The following GRIPAP1 variants were observed in gnomAD, a reference collection of about 807,000 sequenced individuals.
GRIPAP1 encodes GRIP1-associated protein 1.
In GRIPAP1, 14 loss-of-function variants were observed where a neutral mutation model predicts 84.1. That is an observed-to-expected ratio of 0.17 (90% confidence interval 0.11 to 0.26). The LOEUF (loss-of-function observed/expected upper bound fraction) is 0.26. Among genes scored for constraint, GRIPAP1 ranks in the 10% least tolerant of loss-of-function variants. GRIPAP1 has a pLI of 1.00. For missense variants in GRIPAP1, 518 were observed against 674.2 expected, an observed-to-expected ratio of 0.77 and a Z score of 2.57; for synonymous variants, 261 against 256.8, an observed-to-expected ratio of 1.02 and a Z score of -0.15.
chrX:48,993,258 G>A (rs1171594879), intron 6 of GRIPAP1, among the ~76,000 whole-genome samples, 170 bp downstream of exon 6: 1 of 113,214 alleles, frequency 8.8e-6, no homozygotes, highest in East Asian at 2.8e-4. Context: ...CATGCACTGT[G>A]TAGATGATAA....
At chrX:49,000,057 C>T (rs1364273277) in intron 1 of GRIPAP1, among the ~76,000 whole-genome samples, 2 of 110,396 alleles carry the variant, frequency 1.8e-5, no homozygotes, top group Non-Finnish European at 3.8e-5. Context: ...CAAAATACAT[C>T]CAGGCCCCCT....
chrX:49,001,529 T>TC (rs1380398560), intron 1 of GRIPAP1, among the ~76,000 whole-genome samples: 1 of 109,851 alleles, frequency 9.1e-6, no homozygotes, highest in Non-Finnish European at 1.9e-5. Context: ...CCTCTGGTCC[T>TC]CCCCCCAGTT....
In GRIPAP1 at chrX:48,981,827, G is replaced by T; in HGVS notation, c.1645C>A (p.Gln549Lys). The T allele has an allele frequency of 3.4e-6, 4 of 1,172,944 alleles. No homozygotes were observed. The highest frequency in any genetic ancestry group is 4.6e-6 in the Non-Finnish European group (4 of 874,743). The part of the protein sequence containing the change: ...QQQEQEEALK[Q>K]CREQHAAELK... ...TCGGCAGCGTGCTGCTCCCGACACT[G>T]CTTGAGGGCTTCCTCTTGTTCCTGC... The change falls in exon 18 of 26, where the codon CAG becomes AAG. Residue 549 changes from glutamine to lysine, a missense_variant. Transcript: ENST00000376423.
intron 6 of GRIPAP1, 58 bp from the exon 7 acceptor site, chrX:48,991,168 T>C (rs2064518238): frequency 1.2e-6 from 1 of 862,309 alleles, no homozygotes. Context: ...TCCCTTGCCA[T>C]GCCTCGAATA....
intron 5 of GRIPAP1, among the ~76,000 whole-genome samples, chrX:48,994,506 G>A (rs782063337): frequency 1.3e-3 from 144 of 111,545 alleles, no homozygotes; most frequent in African/African-American, 4.4e-3. Flanking sequence ...TTACAGGCAT[G>A]AGCCACCGCA....
chrX:48,985,858 A>AG (rs1454151846), intron 13 of GRIPAP1, among the ~76,000 whole-genome samples: 26 of 110,443 alleles, frequency 2.4e-4, no homozygotes, highest in African/African-American at 8.3e-4. Context: ...AGAGAGAGAG[A>AG]AAAAAAAGAG....
At chrX:49,000,121 T>G (rs1224544010) in intron 1 of GRIPAP1, among the ~76,000 whole-genome samples, 3 of 109,734 alleles carry the variant, frequency 2.7e-5, no homozygotes, top group African/African-American at 9.9e-5. Context: ...ATCCCAGCAC[T>G]TTGGGAGGCC....
chrX:48,983,278 C>T lies in GRIPAP1; in HGVS notation c.1435G>A (p.Asp479Asn). ...AGCTCCTCCTCCTGACGCTTCTTGT[C>T]TTCATGCAGCTCTCGGAGCTCACGC... ...YERELRELHEDKKRQEEELRG... is the reference protein window; with the variant it reads ...YERELRELHENKKRQEEELRG... The change falls in exon 16 of 26, where the codon GAC (aspartate) becomes AAC (asparagine). Residue 479 changes from aspartate to asparagine, a missense_variant. Coordinates refer to ENST00000376423, the MANE Select transcript of GRIPAP1 (RefSeq NM_020137.5). The T allele has an allele frequency of 8.2e-7, 1 of 1,212,542 alleles. No homozygotes were observed. The highest frequency in any genetic ancestry group is 2.2e-5 in the Admixed American group (1 of 46,141).
rs782352779 is a variant in GRIPAP1 at position 49,001,957 on chromosome X, T to C, written c.42+231A>G. On this transcript the variant is annotated intron_variant, in intron 1 of 25. Transcript: ENST00000376423. The stretch of plus-strand genomic sequence containing the variant: ...CAGGTCTGAGTAAGGTACCGCCTAC[T>C]TAATGGCGCTCTCCCAGCCCACAAT... 3.2e-3 allele frequency among the ~76,000 whole-genome samples: 356 copies of C among 110,897 alleles called. 3 individuals carry two copies. Among genetic ancestry groups the C allele is most frequent in the African/African-American group, 0.011 (330 of 30,521 alleles).
intron 6 of GRIPAP1, among the ~76,000 whole-genome samples, chrX:48,992,073 T>G (rs1449561098): frequency 1.8e-5 from 2 of 110,005 alleles, no homozygotes; most frequent in Non-Finnish European, 3.8e-5. Flanking sequence ...TGGTGTGATC[T>G]CGGCTCACTG....
At chrX:48,988,046 CCTGA>C (rs2064501391) in intron 12 of GRIPAP1, 71 bp downstream of exon 12, 1 of 832,569 alleles carries the variant, frequency 1.2e-6, no homozygotes, top group Admixed American at 2.7e-5. Context: ...TGGGACCTTG[CCTGA>C]CTATGTAGTA....
Position 48,988,208 on chromosome X carries a change from C to A in GRIPAP1, c.871-10G>T. The A allele has an allele frequency of 7.8e-6, 9 of 1,160,952 alleles. No homozygotes were observed. Among genetic ancestry groups the A allele is most frequent in the Non-Finnish European group, 1.0e-5 (9 of 859,985 alleles). On this transcript the variant is annotated splice_polypyrimidine_tract_variant and intron_variant, in intron 11 of 25. Transcript: ENST00000376423. ...TCAGCTCTGCCAAGCTCTGTGGAGA[C>A]CAGGGGAGCCCATTTTACACCTCAG...
At chrX:48,987,971 A>ACACACACACACACC (rs2064500804) in intron 12 of GRIPAP1, 94 bp from the exon 13 acceptor site, 1 of 483,253 alleles carries the variant, frequency 2.1e-6, no homozygotes. Context: ...ACACACACAC[A>ACACACACACACACC]CACACACACA....
chrX:48,998,222 G>A (rs1557067368), intron 3 of GRIPAP1, 42 bp from the exon 4 acceptor site: 1 of 1,024,594 alleles, frequency 9.8e-7, no homozygotes, highest in South Asian at 2.0e-5. Flanking sequence ...AGTGAACAGA[G>A]ATGGACTGCC....
intron 17 of GRIPAP1, among the ~76,000 whole-genome samples, chrX:48,982,762 C>T (rs782334856): frequency 8.9e-6 from 1 of 112,591 alleles, no homozygotes; most frequent in South Asian, 3.6e-4. Flanking sequence ...TCCAAATTTG[C>T]ACAAAGGCAG....
At chrX:48,997,834 A>T (rs1266967960) in intron 4 of GRIPAP1, 2 of 352,627 alleles carry the variant, frequency 5.7e-6, no homozygotes, top group Non-Finnish European at 9.8e-6. Flanking sequence ...GAAAAAAGAG[A>T]AATCACCGAG....
intron 5 of GRIPAP1, among the ~76,000 whole-genome samples, chrX:48,996,674 C>T (rs1255768810): frequency 9.0e-6 from 1 of 111,606 alleles, no homozygotes; most frequent in Non-Finnish European, 1.9e-5. Flanking sequence ...GACTTTTTTC[C>T]TTAAAACACA....
intron 8 of GRIPAP1, among the ~76,000 whole-genome samples, 196 bp downstream of exon 8, chrX:48,990,489 A>T (rs2064513983): frequency 8.9e-6 from 1 of 112,370 alleles, no homozygotes; most frequent in Admixed American, 9.5e-5. Flanking sequence ...ATCATGCACA[A>T]GATATAGTGG....
chrX:48,974,237 C>T lies in GRIPAP1; in HGVS notation c.2482G>A (p.Val828Met), dbSNP rs782501117. ...TCTAGGTCTGGGTCAGGAGGCCCCA[C>T]GCACTCCTTGCTGAGCCGCACAATT... ...QEIVRLSKECVGPPDPDLEPG... is the reference protein window; with the variant it reads ...QEIVRLSKECMGPPDPDLEPG... The change falls in exon 26 of 26, where the codon GTG becomes ATG. Residue 828 changes from valine (V) to methionine (M), a missense_variant. Physicochemically the swap from Val to Met is conservative, Grantham distance 21. Transcript: ENST00000376423. The T allele has an allele frequency of 5.0e-6, 6 of 1,206,561 alleles. No homozygotes were observed. Among genetic ancestry groups the T allele is most frequent in the Admixed American group, 2.2e-5 (1 of 45,754 alleles).
Sources: allele counts gnomAD v4.1 joint callset (sites outside exome capture counted in the v4.1 genomes callset), GRCh38; gene constraint gnomAD v4.1.1; transcripts MANE v1.5; gene names NCBI Gene and HGNC (gene_info 2026-07-23, HGNC 2026-07-21).